The following SGCD variants were observed in gnomAD, a reference collection of about 807,000 sequenced individuals.
The protein encoded by SGCD is sarcoglycan delta.
A neutral mutation model predicts 36.6 loss-of-function variants in SGCD; 18 were observed. The observed-to-expected ratio is 0.49, with a 90% CI of 0.34 to 0.73. The LOEUF (loss-of-function observed/expected upper bound fraction) is 0.73, where lower values mean the gene tolerates loss of function less well. Ranked by LOEUF, SGCD falls within the 30% of genes least tolerant of loss-of-function variation. The pLI, the probability that SGCD is intolerant of heterozygous loss-of-function variation, is 0.01. For synonymous variants in SGCD, 133 were observed against 130.6 expected, an observed-to-expected ratio of 1.02 and a Z score of -0.12; for missense variants, 387 against 346.7, an observed-to-expected ratio of 1.12 and a Z score of -0.92.
chr5:156,527,127 G>T (rs1287096828), intron 4 of SGCD, among the ~76,000 whole-genome samples: 1 of 152,062 alleles, frequency 6.6e-6, no homozygotes, highest in East Asian at 1.9e-4. Flanking sequence ...TTATTTGAAG[G>T]CTTCTGGATC....
In SGCD at chr5:156,314,640, C is replaced by T. The variant is rs375282237; in HGVS notation, c.-43-14894C>T. Among the ~76,000 whole-genome samples, 116 of 152,020 alleles carry T rather than the reference C, an allele frequency of 7.6e-4. 2 individuals are homozygous for T. In the South Asian group the frequency reaches 0.022, roughly 28 times the overall value. On this transcript the variant is annotated intron_variant, in intron 3 of 9. Transcript: ENST00000517913. ...CTCAAGAGCTGACAGTCTAGCTGTA[C>T]ATTCAGATAAACTAAGTGACAACAA... is the stretch of plus-strand genomic sequence containing the variant.
At chr5:156,436,942 G>T (rs2055612) in intron 3 of SGCD, among the ~76,000 whole-genome samples, 1 of 151,994 alleles carries the variant, frequency 6.6e-6, no homozygotes, top group Non-Finnish European at 1.5e-5. Context: ...ATTAGGAATT[G>T]CAGCCACATA....
chr5:156,212,464 T>G (rs1764469412), intron 3 of SGCD, among the ~76,000 whole-genome samples: 1 of 152,168 alleles, frequency 6.6e-6, no homozygotes. Context: ...TGTAAATATA[T>G]GTGCACCCAA....
At chr5:155,978,642 A>G (rs1377852199) in intron 1 of SGCD, among the ~76,000 whole-genome samples, 2 of 152,260 alleles carry the variant, frequency 1.3e-5, no homozygotes, top group Non-Finnish European at 2.9e-5. Context: ...AGTCCTCGCC[A>G]GATATAAATA....
chr5:155,972,241 A>T (rs1173619174), intron 1 of SGCD, among the ~76,000 whole-genome samples: 2 of 152,164 alleles, frequency 1.3e-5, no homozygotes, highest in Non-Finnish European at 1.5e-5. Context: ...TGCATAGTGA[A>T]TTTTTTCTTT....
chr5:156,297,708 A>G (rs1766932824), intron 3 of SGCD, among the ~76,000 whole-genome samples: 1 of 151,886 alleles, frequency 6.6e-6, no homozygotes, highest in African/African-American at 2.4e-5. Context: ...TAGTGGGTGC[A>G]GTGCACCAGC....
intron 3 of SGCD, among the ~76,000 whole-genome samples, chr5:156,219,537 T>A (rs1439545617): frequency 6.6e-6 from 1 of 152,062 alleles, no homozygotes. Flanking sequence ...TGAGAAAAAA[T>A]TTTTTCACAT....
chr5:156,236,325 T>C (rs1765161970), intron 3 of SGCD, among the ~76,000 whole-genome samples: 1 of 152,222 alleles, frequency 6.6e-6, no homozygotes, highest in South Asian at 2.1e-4. Flanking sequence ...ATTTTAGCTG[T>C]AGTGAGTTCT....
intron 3 of SGCD, among the ~76,000 whole-genome samples, chr5:156,293,697 A>C (rs1215906959): frequency 6.6e-6 from 1 of 151,970 alleles, no homozygotes; most frequent in African/African-American, 2.4e-5. Flanking sequence ...CCATTATCAC[A>C]TTGTTTTGAT....
At chr5:155,835,503 CAT>C in the SGCD span, among the ~76,000 whole-genome samples, 4 of 152,252 alleles carry the variant, frequency 2.6e-5, no homozygotes, top group Middle Eastern at 3.4e-3. Flanking sequence ...GTAACACACA[CAT>C]GACTTTTCTT....
chr5:156,441,900 G>T (rs986382220), intron 3 of SGCD, among the ~76,000 whole-genome samples: 1 of 152,130 alleles, frequency 6.6e-6, no homozygotes, highest in Non-Finnish European at 1.5e-5. Context: ...TGGCTGATTT[G>T]CGTGGAAGAA....
chr5:155,802,693 G>A, the SGCD span, among the ~76,000 whole-genome samples: 1 of 152,212 alleles, frequency 6.6e-6, no homozygotes, highest in Non-Finnish European at 1.5e-5. Flanking sequence ...TTGTGTCTAA[G>A]TCATTTCATT....
intron 7 of SGCD, among the ~76,000 whole-genome samples, chr5:156,691,113 A>G (rs1754088797): frequency 6.7e-6 from 1 of 148,582 alleles, no homozygotes; most frequent in Non-Finnish European, 1.5e-5. Context: ...AGGCTGGGGC[A>G]GGACAATCGC....
the SGCD span, among the ~76,000 whole-genome samples, chr5:155,861,810 A>G: frequency 1.3e-5 from 2 of 152,210 alleles, no homozygotes; most frequent in Non-Finnish European, 2.9e-5. Flanking sequence ...TTCCGTGGGG[A>G]AAAGATCTGA....
At chr5:156,092,871 T>A (rs1160611166) in intron 1 of SGCD, among the ~76,000 whole-genome samples, 1 of 152,220 alleles carries the variant, frequency 6.6e-6, no homozygotes, top group Non-Finnish European at 1.5e-5. Flanking sequence ...AAAGTTTTAT[T>A]GTTCTTACAA....
chr5:156,652,654 C>G (rs539906988), intron 7 of SGCD, among the ~76,000 whole-genome samples: 3 of 152,260 alleles, frequency 2.0e-5, no homozygotes, highest in African/African-American at 7.2e-5. Context: ...GCATCCTTGC[C>G]TCATTCCACT....
intron 3 of SGCD, among the ~76,000 whole-genome samples, chr5:156,190,654 G>T (rs1031826879): frequency 2.0e-5 from 3 of 151,918 alleles, no homozygotes; most frequent in Non-Finnish European, 4.4e-5. Flanking sequence ...TAACAGAGGA[G>T]ACAAAAAATA....
chr5:156,207,762 G>A (rs896207767), intron 3 of SGCD, among the ~76,000 whole-genome samples: 5 of 152,038 alleles, frequency 3.3e-5, no homozygotes, highest in African/African-American at 1.2e-4. Context: ...AGGAGCCAGA[G>A]GCAGAAAGAA....
intron 3 of SGCD, among the ~76,000 whole-genome samples, chr5:156,304,105 C>A (rs1286696442): frequency 3.3e-5 from 5 of 152,282 alleles, no homozygotes; most frequent in Non-Finnish European, 4.4e-5. Context: ...AGCACTTTAG[C>A]CTATAGTGGT....
Sources: gnomAD v4.1 joint callset for allele counts (sites outside exome capture counted in the v4.1 genomes callset) on GRCh38, gnomAD v4.1.1 for gene constraint, MANE v1.5 for transcripts, NCBI Gene and HGNC (gene_info 2026-07-23, HGNC 2026-07-21) for gene names.